The following PTPRD variants were observed in gnomAD, a reference collection of about 807,000 sequenced individuals.
PTPRD encodes the protein protein tyrosine phosphatase receptor type D.
PTPRD carries 34 observed loss-of-function variants against 214.5 expected under a neutral mutation model. That is an observed-to-expected ratio of 0.16 (90% CI 0.12 to 0.21). PTPRD has a LOEUF of 0.21. Ranked by LOEUF, PTPRD falls within the 10% of genes least tolerant of loss-of-function variation. The probability of loss-of-function intolerance (pLI) is 1.00; values close to 1 mark genes in which losing one functional copy is unlikely to be tolerated. For synonymous variants in PTPRD, 1,128 were observed against 845.7 expected, an observed-to-expected ratio of 1.33 and a Z score of -5.79; for missense variants, 2,545 against 2,398.7, an observed-to-expected ratio of 1.06 and a Z score of -1.27.
At chr9:10,102,445 C>T (rs72694854) in intron 3 of PTPRD, among the ~76,000 whole-genome samples, 7,968 of 151,566 alleles carry the variant, frequency 0.053, 275 homozygotes, top group Admixed American at 0.1. Context: ...TTTTAAAACT[C>T]CCTAGAACTA....
At chr9:8,325,711 C>T (rs972424322) in intron 44 of PTPRD, among the ~76,000 whole-genome samples, 7 of 152,038 alleles carry the variant, frequency 4.6e-5, no homozygotes, top group South Asian at 2.1e-4. Context: ...TCTTCCTATC[C>T]GTGAGCATGG....
Position 8,437,640 on chromosome 9 carries a change from C to T in PTPRD, c.3989-951G>A, listed in dbSNP as rs184805286. On this transcript the variant is annotated intron_variant, in intron 34 of 45. Transcript: ENST00000381196. ...ACTCTGTGATATTTTGCCCCAGGTC[C>T]CCATTATTCAACCCCCAGCAAACCT... is the stretch of plus-strand genomic sequence containing the variant. 2.0e-5 allele frequency among the ~76,000 whole-genome samples: 3 copies of T among 152,182 alleles called. No individual in the cohort carries two copies. In the East Asian group the frequency reaches 5.8e-4, roughly 30 times the overall value.
chr9:8,777,842 T>G (rs549236257), intron 11 of PTPRD, among the ~76,000 whole-genome samples: 1 of 152,304 alleles, frequency 6.6e-6, no homozygotes, highest in East Asian at 1.9e-4. Context: ...AGTGATTATC[T>G]CTCATTTTTT....
chr9:9,586,525 A>C (rs1046377891), intron 7 of PTPRD, among the ~76,000 whole-genome samples: 1 of 151,978 alleles, frequency 6.6e-6, no homozygotes, highest in Non-Finnish European at 1.5e-5. Flanking sequence ...ACCTATACAA[A>C]CTATATTCAG....
intron 4 of PTPRD, among the ~76,000 whole-genome samples, chr9:9,979,898 G>A (rs2095481642): frequency 6.6e-6 from 1 of 152,114 alleles, no homozygotes; most frequent in African/African-American, 2.4e-5. Flanking sequence ...CAAAATACGG[G>A]ATGCTTGATA....
intron 7 of PTPRD, among the ~76,000 whole-genome samples, chr9:9,718,339 C>T (rs929839932): frequency 6.6e-5 from 10 of 152,170 alleles, no homozygotes; most frequent in South Asian, 4.1e-4. Context: ...TAAACACTGA[C>T]GGCTGCAGAA....
chr9:8,685,073 G>C (rs1186211406), intron 12 of PTPRD, among the ~76,000 whole-genome samples: 1 of 152,016 alleles, frequency 6.6e-6, no homozygotes, highest in Non-Finnish European at 1.5e-5. Flanking sequence ...TATTTTTCAA[G>C]GGCAACAGCA....
chr9:9,106,628 A>AG (rs962098540), intron 10 of PTPRD, among the ~76,000 whole-genome samples: 1 of 149,116 alleles, frequency 6.7e-6, no homozygotes, highest in Non-Finnish European at 1.5e-5. Context: ...AAAAAAAAAA[A>AG]AAAAAAAGGT....
At chr9:8,629,324 T>C (rs1166686821) in intron 14 of PTPRD, among the ~76,000 whole-genome samples, 1 of 151,876 alleles carries the variant, frequency 6.6e-6, no homozygotes, top group Non-Finnish European at 1.5e-5. Flanking sequence ...TATCTCATTT[T>C]CCCTGCCTAG....
At chr9:8,919,891 G>C (rs2098814506) in intron 11 of PTPRD, among the ~76,000 whole-genome samples, 1 of 151,940 alleles carries the variant, frequency 6.6e-6, no homozygotes, top group Non-Finnish European at 1.5e-5. Flanking sequence ...TGCATACATA[G>C]ATGTACATGC....
chr9:9,827,875 A>T (rs1441186145), intron 5 of PTPRD, among the ~76,000 whole-genome samples: 2 of 152,068 alleles, frequency 1.3e-5, no homozygotes, highest in Non-Finnish European at 2.9e-5. Flanking sequence ...ACAGAAGACA[A>T]TTATGCAGCC....
intron 11 of PTPRD, among the ~76,000 whole-genome samples, chr9:8,930,424 G>A (rs917067122): frequency 6.6e-6 from 1 of 152,090 alleles, no homozygotes; most frequent in African/African-American, 2.4e-5. Flanking sequence ...ATAAACATAT[G>A]TGTGCATGTG....
At chr9:10,262,725 G>A (rs568406593) in intron 3 of PTPRD, among the ~76,000 whole-genome samples, 2 of 152,296 alleles carry the variant, frequency 1.3e-5, no homozygotes, top group South Asian at 4.1e-4. Context: ...AAATTAGGAA[G>A]CCAAAGGTGA....
rs538059017 is a variant in PTPRD, at chr9:9,024,097, C to T, written c.-142-5362G>A. ...CATTCAAAATCCTACCACTGAGAGA[C>T]AGCTGCTCTTGACTTTTGGGTATAC... On this transcript the variant is annotated intron_variant, in intron 10 of 45. Transcript: ENST00000381196. Among the ~76,000 whole-genome samples the T allele has an allele frequency of 7.9e-5, 12 of 151,770 alleles. No homozygotes were observed. The East Asian group carries it at 2.1e-3, about 27-fold the overall frequency.
chr9:9,129,694 T>C (rs995573181), intron 10 of PTPRD, among the ~76,000 whole-genome samples: 3 of 152,220 alleles, frequency 2.0e-5, no homozygotes, highest in Non-Finnish European at 4.4e-5. Context: ...ATCAATTGTT[T>C]GAGTTAGTCA....
intron 7 of PTPRD, among the ~76,000 whole-genome samples, chr9:9,698,770 A>G (rs1326788208): frequency 1.3e-5 from 2 of 152,184 alleles, no homozygotes; most frequent in African/African-American, 4.8e-5. Flanking sequence ...TGGAGTATCC[A>G]TAAGTCTCGG....
At chr9:9,974,063 G>A (rs2095259800) in intron 4 of PTPRD, among the ~76,000 whole-genome samples, 1 of 152,116 alleles carries the variant, frequency 6.6e-6, no homozygotes, top group Admixed American at 6.5e-5. Context: ...ATTATATTAT[G>A]GAAACAGCTT....
At chr9:10,557,852 A>G (rs1479788256) in intron 2 of PTPRD, among the ~76,000 whole-genome samples, 2 of 152,170 alleles carry the variant, frequency 1.3e-5, no homozygotes, top group Non-Finnish European at 2.9e-5. Context: ...TATTTATGTC[A>G]CGTTCTAAGA....
intron 2 of PTPRD, among the ~76,000 whole-genome samples, chr9:10,548,044 T>G (rs1186622723): frequency 6.6e-6 from 1 of 152,096 alleles, no homozygotes; most frequent in Non-Finnish European, 1.5e-5. Context: ...TAGCAGTTGC[T>G]GTGGGTGGAA....
Sources: allele counts gnomAD v4.1 joint callset (sites outside exome capture counted in the v4.1 genomes callset), GRCh38; gene constraint gnomAD v4.1.1; transcripts MANE v1.5; gene names NCBI Gene and HGNC (gene_info 2026-07-23, HGNC 2026-07-21).